Variants in NRXN3 observed in about 807,000 individuals in gnomAD.
NRXN3 encodes the protein neurexin 3.
Under a neutral mutation model 137.6 loss-of-function variants are expected in NRXN3, and 32 were observed. The observed-to-expected ratio is 0.23, with a 90% CI of 0.18 to 0.31. NRXN3 has a LOEUF of 0.31. NRXN3 is among the 10% of genes least tolerant of loss of function. The pLI, the probability that NRXN3 is intolerant of heterozygous loss-of-function variation, is 1.00. For missense variants in NRXN3, 1,574 were observed against 2,062.5 expected, an observed-to-expected ratio of 0.76 and a Z score of 4.59; for synonymous variants, 798 against 784.5, an observed-to-expected ratio of 1.02 and a Z score of -0.29.
intron 10 of NRXN3, among the ~76,000 whole-genome samples, chr14:78,850,133 C>G (rs1458647325): frequency 2.6e-5 from 4 of 151,694 alleles, no homozygotes; most frequent in Non-Finnish European, 5.9e-5. Flanking sequence ...GCCACTAATA[C>G]CTGAGAGAGA....
intron 4 of NRXN3, among the ~76,000 whole-genome samples, chr14:78,535,882 C>A (rs1485996051): frequency 6.6e-6 from 1 of 152,052 alleles, no homozygotes; most frequent in Non-Finnish European, 1.5e-5. Flanking sequence ...CCAAGAAATG[C>A]TATTTGTGGT....
intron 15 of NRXN3, among the ~76,000 whole-genome samples, chr14:79,413,661 A>T (rs1343715845): frequency 6.6e-6 from 1 of 151,954 alleles, no homozygotes; most frequent in Non-Finnish European, 1.5e-5. Flanking sequence ...ACAGATCTTG[A>T]CCTGCAGGTG....
chr14:78,193,198 A>G (rs936246510), intron 1 of NRXN3, among the ~76,000 whole-genome samples: 1 of 152,176 alleles, frequency 6.6e-6, no homozygotes, highest in African/African-American at 2.4e-5. Context: ...CTTTCAAACA[A>G]TTATGGAAGA....
intron 15 of NRXN3, among the ~76,000 whole-genome samples, chr14:79,181,850 T>C (rs1053010802): frequency 6.6e-6 from 1 of 152,036 alleles, no homozygotes; most frequent in Admixed American, 6.6e-5. Flanking sequence ...ATATTTTATA[T>C]TACCCTCATT....
chr14:78,320,334 G>C (rs969116853), intron 4 of NRXN3, among the ~76,000 whole-genome samples: 4 of 152,110 alleles, frequency 2.6e-5, no homozygotes, highest in Non-Finnish European at 5.9e-5. Context: ...GGAGAAACAG[G>C]GACGGAAATG....
At chr14:79,285,390 A>T (rs186653663) in intron 15 of NRXN3, among the ~76,000 whole-genome samples, 47 of 152,356 alleles carry the variant, frequency 3.1e-4, no homozygotes, top group Non-Finnish European at 5.3e-4. Context: ...CTGAAGATAA[A>T]TCTTGAACTT....
intron 4 of NRXN3, among the ~76,000 whole-genome samples, chr14:78,501,861 G>A (rs1567774568): frequency 2.0e-5 from 3 of 152,108 alleles, no homozygotes; most frequent in Admixed American, 6.6e-5. Context: ...TTTACAAAGC[G>A]TTATCACATA....
chr14:78,882,101 A>G (rs2099130730), intron 10 of NRXN3, among the ~76,000 whole-genome samples: 1 of 151,836 alleles, frequency 6.6e-6, no homozygotes, highest in African/African-American at 2.4e-5. Context: ...ATTGTATAGA[A>G]GACAAGAATT....
intron 4 of NRXN3, among the ~76,000 whole-genome samples, chr14:78,621,959 T>C (rs78613875): frequency 6.6e-6 from 1 of 152,304 alleles, no homozygotes; most frequent in East Asian, 1.9e-4. Context: ...TACTACCTAT[T>C]AGTAAGGTAA....
chr14:78,706,824 A>C (rs925580536), intron 6 of NRXN3, among the ~76,000 whole-genome samples: 1 of 151,918 alleles, frequency 6.6e-6, no homozygotes, highest in African/African-American at 2.4e-5. Flanking sequence ...GTTATATATC[A>C]CTCTTGTAAT....
intron 15 of NRXN3, among the ~76,000 whole-genome samples, chr14:79,287,232 C>T (rs2082418620): frequency 6.6e-6 from 1 of 152,142 alleles, no homozygotes; most frequent in Admixed American, 6.5e-5. Flanking sequence ...GTTTATGGCA[C>T]TAGAACACAG....
At chr14:78,648,315 A>G (rs2097706766) in intron 5 of NRXN3, among the ~76,000 whole-genome samples, 1 of 152,218 alleles carries the variant, frequency 6.6e-6, no homozygotes, top group African/African-American at 2.4e-5. Flanking sequence ...TTGTTAAATC[A>G]CAAACACAAA....
At chr14:78,346,174 A>G (rs1053498002) in intron 4 of NRXN3, among the ~76,000 whole-genome samples, 2 of 152,212 alleles carry the variant, frequency 1.3e-5, no homozygotes, top group African/African-American at 4.8e-5. Flanking sequence ...CCCAGCAACC[A>G]GAAGGCCCTA....
chr14:79,754,329 GC>G (rs1256487250), intron 19 of NRXN3, among the ~76,000 whole-genome samples: 1 of 151,576 alleles, frequency 6.6e-6, no homozygotes, highest in Non-Finnish European at 1.5e-5. Context: ...GGACGACAGA[GC>G]GAGACTCCAT....
chr14:78,678,682 A>G (rs2098038000), intron 6 of NRXN3, among the ~76,000 whole-genome samples: 2 of 152,188 alleles, frequency 1.3e-5, no homozygotes, highest in South Asian at 4.1e-4. Flanking sequence ...AATGTAGTAT[A>G]AACCAACTCA....
intron 15 of NRXN3, among the ~76,000 whole-genome samples, chr14:79,131,970 A>G (rs907236543): frequency 1.3e-5 from 2 of 152,224 alleles, no homozygotes; most frequent in African/African-American, 4.8e-5. Flanking sequence ...CCTTTCTTTG[A>G]CTAGGAAAGG....
chr14:78,997,181 A>C (rs2099531795), intron 15 of NRXN3, among the ~76,000 whole-genome samples: 1 of 152,164 alleles, frequency 6.6e-6, no homozygotes. Context: ...GGTTTCTACA[A>C]ACCCCAGTAG....
intron 1 of NRXN3, among the ~76,000 whole-genome samples, chr14:78,212,766 C>A (rs1297245832): frequency 2.0e-5 from 3 of 152,162 alleles, no homozygotes; most frequent in African/African-American, 7.2e-5. Context: ...TAATAGCCTG[C>A]CATTACCAGA....
chr14:78,371,382 T>TCCC (rs2086805206), intron 4 of NRXN3, among the ~76,000 whole-genome samples: 3 of 152,118 alleles, frequency 2.0e-5, no homozygotes, highest in Non-Finnish European at 2.9e-5. Context: ...CCATCCCCCT[T>TCCC]CCACCTCCCC....
Sources: allele counts gnomAD v4.1 joint callset (sites outside exome capture counted in the v4.1 genomes callset), GRCh38; gene constraint gnomAD v4.1.1; transcripts MANE v1.5; gene names NCBI Gene and HGNC (gene_info 2026-07-23, HGNC 2026-07-21).